Variants in NWD1 observed in about 807,000 individuals in gnomAD.
NWD1 encodes NACHT domain- and WD repeat-containing protein 1.
Under a neutral mutation model 135.1 loss-of-function variants are expected in NWD1, and 129 were observed. That is an observed-to-expected ratio of 0.96 (90% CI 0.83 to 1.11). The LOEUF is 1.11. Among genes scored for constraint, NWD1 ranks in the 50% least tolerant of loss-of-function variants. The pLI, the probability that NWD1 is intolerant of heterozygous loss-of-function variation, is 0.00. For synonymous variants in NWD1, 773 were observed against 786.0 expected (o/e 0.98, Z 0.28); for missense variants, 1,740 against 1,851.3 (o/e 0.94, Z 1.10).
At chr19:16,756,085 A>T (rs939475044) in intron 6 of NWD1, among the ~76,000 whole-genome samples, 5 of 152,124 alleles carry the variant, frequency 3.3e-5, no homozygotes, top group African/African-American at 1.2e-4. Context: ...AGAAAATGAT[A>T]GTAAGAAAAT....
At chr19:16,759,495 C>A in intron 7 of NWD1, 67 bp downstream of exon 7, 1 of 1,194,152 alleles carries the variant, frequency 8.4e-7, no homozygotes, top group Non-Finnish European at 1.2e-6. Flanking sequence ...ACTCACTGGC[C>A]GGGGGTCTTC....
At chr19:16,784,564 G>A (rs1969972734) in intron 12 of NWD1, among the ~76,000 whole-genome samples, 1 of 152,048 alleles carries the variant, frequency 6.6e-6, no homozygotes, top group South Asian at 2.1e-4. Context: ...CCCTGAGAGG[G>A]GAATGAGGTT....
chr19:16,772,600 C>T (rs971869031), intron 10 of NWD1, among the ~76,000 whole-genome samples: 3 of 152,072 alleles, frequency 2.0e-5, no homozygotes, highest in East Asian at 1.9e-4. Flanking sequence ...GAGCCAAGAT[C>T]GCACCATTGC....
At chr19:16,772,977 A>G in intron 10 of NWD1, 149 bp from the exon 11 acceptor site, 2 of 678,072 alleles carry the variant, frequency 2.9e-6, no homozygotes, top group South Asian at 3.5e-5. Flanking sequence ...GAGAGCAGAG[A>G]AGGAGACAGG....
intron 6 of NWD1, among the ~76,000 whole-genome samples, chr19:16,751,829 G>A (rs565218754): frequency 2.1e-5 from 3 of 144,396 alleles, no homozygotes; most frequent in Admixed American, 7.3e-5. Flanking sequence ...AAGGAAGGAA[G>A]GAAGGAAGGA....
At position 16,761,996 on chromosome 19, in the gene NWD1, T is replaced by C; in HGVS notation, c.1991T>C (p.Val664Ala). ...AIAHRQLVEV[V>A]RERYLSGSER... ...CTCTGTAGACAGCTGGTCGAGGTGGTCCGTGAGCGCTACCTGTCAGGATCC... is the reference window on the plus strand; with the variant it reads ...CTCTGTAGACAGCTGGTCGAGGTGGCCCGTGAGCGCTACCTGTCAGGATCC... The change falls in exon 8 of 19, where the codon GTC (valine) becomes GCC (alanine). Residue 664 changes from valine to alanine, a missense_variant. Transcript: ENST00000524140. 3 of 1,613,944 alleles carry C rather than the reference T, an allele frequency of 1.9e-6. No homozygotes were observed. Among genetic ancestry groups the C allele is most frequent in the Non-Finnish European group, 2.5e-6 (3 of 1,179,954 alleles).
In NWD1 at chr19:16,749,434, G is replaced by A; in HGVS notation, c.792G>A (p.Glu264=). ...AGACTCACGCCTGCTACCTGAAGGAGCTGGGTGAGCAGTTTGTGGTGAGGG... is the reference window on the plus strand; with the variant it reads ...AGACTCACGCCTGCTACCTGAAGGAACTGGGTGAGCAGTTTGTGGTGAGGG... ...KNKTHACYLK[E]LGEQFVVRAN... Residue 264 remains glutamate, a synonymous_variant, in exon 6 of 19, where the codon GAG becomes GAA. Coordinates refer to ENST00000524140, the MANE Select transcript of NWD1 (RefSeq NM_001007525.5). 1 of 1,613,866 alleles carries A rather than the reference G, an allele frequency of 6.2e-7. No homozygotes were observed. Among genetic ancestry groups the A allele is most frequent in the Non-Finnish European group, 8.5e-7 (1 of 1,179,802 alleles).
At chr19:16,733,783 C>A (rs1967677351) in intron 3 of NWD1, among the ~76,000 whole-genome samples, 1 of 138,816 alleles carries the variant, frequency 7.2e-6, no homozygotes, top group African/African-American at 3.0e-5. Flanking sequence ...ACATCCTCCA[C>A]ACGCACATCG....
At chr19:16,722,589 G>T (rs971440671) in intron 1 of NWD1, among the ~76,000 whole-genome samples, 1 of 151,544 alleles carries the variant, frequency 6.6e-6, no homozygotes, top group Non-Finnish European at 1.5e-5. Context: ...GTGCCTGGCC[G>T]ACCCTCACTC....
At chr19:16,793,053 T>C (rs1970301159) in intron 14 of NWD1, among the ~76,000 whole-genome samples, 1 of 81,188 alleles carries the variant, frequency 1.2e-5, no homozygotes, top group South Asian at 5.0e-4. Context: ...TCAAAAAAAT[T>C]AAAAAATAAA....
intron 4 of NWD1, among the ~76,000 whole-genome samples, chr19:16,742,202 C>G (rs1248468462): frequency 6.6e-6 from 1 of 152,000 alleles, no homozygotes; most frequent in Admixed American, 6.6e-5. Context: ...TGGCGAAACC[C>G]TGTCTCTACT....
At chr19:16,781,264 C>A (rs1322049707) in intron 12 of NWD1, among the ~76,000 whole-genome samples, 1 of 152,138 alleles carries the variant, frequency 6.6e-6, no homozygotes, top group East Asian at 1.9e-4. Flanking sequence ...ATGATTCCCA[C>A]AGTAGAGTTC....
intron 6 of NWD1, among the ~76,000 whole-genome samples, chr19:16,756,854 G>A (rs1021556506): frequency 2.0e-5 from 3 of 152,064 alleles, no homozygotes; most frequent in Non-Finnish European, 4.4e-5. Flanking sequence ...ATTACCACCC[G>A]AGCTCCCCCT....
rs1568340017 is a variant in NWD1 at position 16,738,748 on chromosome 19, T to TAA, written c.198+1998_198+1999insAA. On this transcript the variant is annotated intron_variant, in intron 4 of 18. Coordinates refer to ENST00000524140, the MANE Select transcript of NWD1 (RefSeq NM_001007525.5). Reference sequence around the variant, plus strand: ...ATATAATCTATATATAATATATATATTATATATATATAATATAATGATATA... The same window carrying TAA: ...ATATAATCTATATATAATATATATATAATATATATATATAATATAATGATATA... Among the ~76,000 whole-genome samples, 1,158 of 140,254 alleles carry TAA rather than the reference T, an allele frequency of 8.3e-3. 21 individuals are homozygous for TAA. Among genetic ancestry groups the TAA allele is most frequent in the African/African-American group, 0.03 (1,103 of 36,742 alleles). 92.0% of individuals were successfully genotyped at this position (140,254 alleles called of 152,430 possible). A position where few individuals can be genotyped will look rare whatever the true frequency, so the allele number is the denominator to read the frequency against.
At chr19:16,767,442 C>A (rs1196881436) in intron 10 of NWD1, among the ~76,000 whole-genome samples, 6 of 152,024 alleles carry the variant, frequency 3.9e-5, no homozygotes, top group Admixed American at 3.9e-4. Context: ...TGGTGAAACC[C>A]CAGCTCTACT....
intron 10 of NWD1, among the ~76,000 whole-genome samples, chr19:16,771,613 T>G (rs900251718): frequency 2.0e-5 from 3 of 152,136 alleles, no homozygotes; most frequent in Non-Finnish European, 4.4e-5. Context: ...CTTCCCATTT[T>G]AAGGAAGATT....
chr19:16,762,237 C>A, intron 8 of NWD1, 99 bp downstream of exon 8: 2 of 1,042,330 alleles, frequency 1.9e-6, no homozygotes, highest in Non-Finnish European at 2.8e-6. Context: ...AATGTCCTCC[C>A]GACCTACTTC....
At chr19:16,808,719 C>T (rs978367118) in intron 18 of NWD1, among the ~76,000 whole-genome samples, 1 of 151,874 alleles carries the variant, frequency 6.6e-6, no homozygotes, top group African/African-American at 2.4e-5. Flanking sequence ...GTGATCCTCC[C>T]GCCTCAGCCT....
intron 12 of NWD1, among the ~76,000 whole-genome samples, chr19:16,781,194 C>T (rs1411971056): frequency 6.6e-6 from 1 of 152,126 alleles, no homozygotes; most frequent in Non-Finnish European, 1.5e-5. Context: ...AGGGTCGGGA[C>T]TAGGATGGAA....
Sources: allele counts gnomAD v4.1 joint callset (sites outside exome capture counted in the v4.1 genomes callset), GRCh38; gene constraint gnomAD v4.1.1; transcripts MANE v1.5; gene names NCBI Gene and HGNC (gene_info 2026-07-23, HGNC 2026-07-21).